Variants in PHACTR1 observed in about 807,000 individuals in gnomAD.
PHACTR1 encodes phosphatase and actin regulator 1, also known as RPEL repeat containing 1.
In PHACTR1, 16 loss-of-function variants were observed where a neutral mutation model predicts 69.2. That is an observed-to-expected ratio of 0.23 (90% CI 0.16 to 0.35). PHACTR1 has a LOEUF of 0.35. PHACTR1 is among the 10% of genes least tolerant of loss of function. The probability of loss-of-function intolerance (pLI) is 1.00; values close to 1 mark genes in which losing one functional copy is unlikely to be tolerated. For missense variants in PHACTR1, 510 were observed against 734.7 expected (o/e 0.69, Z 3.54); for synonymous variants, 312 against 284.5 (o/e 1.10, Z -0.97).
At chr6:13,219,849 C>T (rs937025329) in intron 8 of PHACTR1, among the ~76,000 whole-genome samples, 2 of 152,144 alleles carry the variant, frequency 1.3e-5, no homozygotes, top group Admixed American at 1.3e-4. Context: ...TCAGCATATA[C>T]ATCTACAGAA....
chr6:12,723,252 T>A (rs1762349160), intron 3 of PHACTR1, among the ~76,000 whole-genome samples: 1 of 152,026 alleles, frequency 6.6e-6, no homozygotes, highest in Non-Finnish European at 1.5e-5. Context: ...AGAACCACCA[T>A]TATGGATCGT....
intron 4 of PHACTR1, among the ~76,000 whole-genome samples, chr6:12,757,899 G>C (rs1767531237): frequency 6.6e-6 from 1 of 152,114 alleles, no homozygotes; most frequent in Non-Finnish European, 1.5e-5. Context: ...ATCACCTGAG[G>C]TCAGGAGTTC....
intron 4 of PHACTR1, among the ~76,000 whole-genome samples, chr6:12,946,237 A>C (rs1394832955): frequency 6.6e-6 from 1 of 152,038 alleles, no homozygotes; most frequent in Non-Finnish European, 1.5e-5. Flanking sequence ...ATAGCAGAAA[A>C]TGTGGCATCA....
At chr6:12,924,281 CAT>C (rs1788021271) in intron 4 of PHACTR1, among the ~76,000 whole-genome samples, 1 of 152,110 alleles carries the variant, frequency 6.6e-6, no homozygotes, top group Non-Finnish European at 1.5e-5. Context: ...CATATGCCAA[CAT>C]GTGTTAATTT....
At chr6:13,222,818 G>A (rs908750614) in intron 8 of PHACTR1, among the ~76,000 whole-genome samples, 1 of 152,168 alleles carries the variant, frequency 6.6e-6, no homozygotes, top group African/African-American at 2.4e-5. Flanking sequence ...CAATGCACAG[G>A]ACAACCCTCA....
chr6:13,147,832 G>A (rs904882055), intron 5 of PHACTR1, among the ~76,000 whole-genome samples: 4 of 152,078 alleles, frequency 2.6e-5, no homozygotes, highest in African/African-American at 7.2e-5. Flanking sequence ...GAGAAAGTGG[G>A]TTAAGCATCA....
At chr6:13,238,134 G>A (rs1772281502) in intron 10 of PHACTR1, among the ~76,000 whole-genome samples, 1 of 152,238 alleles carries the variant, frequency 6.6e-6, no homozygotes, top group Admixed American at 6.5e-5. Flanking sequence ...GGTTGAGGCT[G>A]GTGAAGTAGC....
intron 4 of PHACTR1, among the ~76,000 whole-genome samples, chr6:12,979,345 C>A (rs1168226789): frequency 6.6e-6 from 1 of 152,292 alleles, no homozygotes; most frequent in South Asian, 2.1e-4. Flanking sequence ...CTAAACATGG[C>A]GGTGCTGCAC....
chr6:13,273,502 C>T (rs985193991), intron 11 of PHACTR1: 7 of 152,326 alleles, frequency 4.6e-5, no homozygotes, highest in African/African-American at 1.7e-4. Flanking sequence ...TGCCTTTCAC[C>T]ATTGCTGCAG....
At chr6:13,231,083 GGAA>G (rs370939333) in intron 10 of PHACTR1, among the ~76,000 whole-genome samples, 10,961 of 25,750 alleles carry the variant, frequency 0.43, 2,187 homozygotes, top group East Asian at 0.52. Context: ...AAGGAAGGAA[GGAA>G]GAAGGAAGGA....
At chr6:13,237,369 C>T (rs1004652157) in intron 10 of PHACTR1, among the ~76,000 whole-genome samples, 2 of 151,968 alleles carry the variant, frequency 1.3e-5, no homozygotes, top group African/African-American at 4.8e-5. Flanking sequence ...AGAATGAGAC[C>T]CCTCTTTTAA....
At chr6:12,848,549 T>A (rs1779520636) in intron 4 of PHACTR1, among the ~76,000 whole-genome samples, 1 of 152,204 alleles carries the variant, frequency 6.6e-6, no homozygotes, top group Non-Finnish European at 1.5e-5. Context: ...GGAGGGGCAT[T>A]TGATAAAAGG....
chr6:13,184,279 A>G (rs954417605), intron 7 of PHACTR1, among the ~76,000 whole-genome samples: 9 of 152,122 alleles, frequency 5.9e-5, no homozygotes, highest in African/African-American at 2.2e-4. Context: ...GAGAGCAGAG[A>G]CAGAGCGGAC....
chr6:13,269,757 C>G (rs1228436830), intron 10 of PHACTR1, among the ~76,000 whole-genome samples: 2 of 152,104 alleles, frequency 1.3e-5, no homozygotes, highest in African/African-American at 4.8e-5. Context: ...TCGCTTGAAC[C>G]CGAGAGGCAG....
In PHACTR1 at chr6:13,246,287, A is replaced by G. The variant is rs1310790577; in HGVS notation, c.1391+16094A>G. ...AACATATTCAGTTATCAAAAGGCCC[A>G]TGTAAAAGGAATCCTTGAATTCTCC... On this transcript the variant is annotated intron_variant, in intron 10 of 14. Coordinates refer to ENST00000332995, the MANE Select transcript of PHACTR1 (RefSeq NM_030948.6). This position sits in a 1 kb window ranked among gnomAD's most constrained non-coding sequence, Gnocchi z 4.2. 6.6e-6 allele frequency among the ~76,000 whole-genome samples: 1 copy of G among 152,228 alleles called. No individual in the cohort carries two copies. Among genetic ancestry groups the G allele is most frequent in the African/African-American group, 2.4e-5 (1 of 41,448 alleles).
chr6:12,741,119 T>C (rs775752635), intron 3 of PHACTR1, among the ~76,000 whole-genome samples: 1 of 152,014 alleles, frequency 6.6e-6, no homozygotes, highest in African/African-American at 2.4e-5. Context: ...TTCTCTTATC[T>C]AAATAAACAT....
intron 5 of PHACTR1, among the ~76,000 whole-genome samples, chr6:13,076,493 T>A (rs1360873647): frequency 1.3e-5 from 2 of 152,170 alleles, no homozygotes; most frequent in Non-Finnish European, 2.9e-5. Flanking sequence ...GTGATAGAGT[T>A]ACGTTCATTG....
intron 4 of PHACTR1, among the ~76,000 whole-genome samples, chr6:12,887,190 C>T (rs1783726304): frequency 1.3e-5 from 2 of 152,176 alleles, no homozygotes; most frequent in Non-Finnish European, 2.9e-5. Context: ...AAGGCCCCTT[C>T]CTGTGCTCCT....
At chr6:13,098,404 G>C (rs529651612) in intron 5 of PHACTR1, among the ~76,000 whole-genome samples, 3 of 152,090 alleles carry the variant, frequency 2.0e-5, no homozygotes, top group African/African-American at 7.2e-5. Context: ...ATCCCTGTGG[G>C]TTGCTATCTA....
Sources: allele counts gnomAD v4.1 joint callset (sites outside exome capture counted in the v4.1 genomes callset), GRCh38; gene constraint gnomAD v4.1.1; non-coding constraint Gnocchi (gnomAD v3.1); transcripts MANE v1.5; gene names NCBI Gene and HGNC (gene_info 2026-07-23, HGNC 2026-07-21).